SYNE2: variants seen among roughly 807,000 people sequenced by gnomAD.
The protein encoded by SYNE2 is spectrin repeat containing nuclear envelope protein 2.
Under a neutral mutation model 856.3 loss-of-function variants are expected in SYNE2, and 431 were observed. The observed-to-expected ratio is 0.50, with a 90% CI of 0.47 to 0.55. The LOEUF is 0.55. Ranked by LOEUF, SYNE2 falls within the 20% of genes least tolerant of loss-of-function variation. The pLI is 0.00. For synonymous variants in SYNE2, 2,923 were observed against 2,872.3 expected (o/e 1.02, Z -0.56); for missense variants, 8,129 against 8,023.2 (o/e 1.01, Z -0.50).
chr14:64,225,540 CCA>C lies in SYNE2; in HGVS notation c.*17_*18del, dbSNP rs535761756. The C allele has an allele frequency of 1.4e-5, 22 of 1,612,652 alleles. No individual in the cohort carries two copies. In the South Asian group the frequency reaches 2.1e-4, roughly 15 times the overall value. The stretch of plus-strand genomic sequence containing the variant: ...CCCCCCACATAGAGGGCATAGCTGG[CCA>C]CAGTGCTACACCACCTGCCTGATTG... On this transcript the variant is annotated 3_prime_UTR_variant, in exon 116 of 116. Transcript: ENST00000555002.
Position 63,976,549 on chromosome 14 carries a change from T to G in SYNE2, c.1129-14T>G. 6.3e-7 allele frequency: 1 copy of G among 1,593,282 alleles called. No individual in the cohort carries two copies. The highest frequency in any genetic ancestry group is 8.5e-7 in the Non-Finnish European group (1 of 1,172,638). ...TACTGAAGAATATGTTCTTTTTTTTTTTTTTTTTTTCAGATTAATGCATGG... is the reference window on the plus strand; with the variant it reads ...TACTGAAGAATATGTTCTTTTTTTTGTTTTTTTTTTCAGATTAATGCATGG... On this transcript the variant is annotated splice_polypyrimidine_tract_variant and intron_variant, in intron 11 of 115. Coordinates refer to ENST00000555002, the MANE Select transcript of SYNE2 (RefSeq NM_182914.3).
chr14:63,915,845 C>A lies in SYNE2; in HGVS notation c.79+6618C>A, dbSNP rs1227700777. 5.3e-5 allele frequency among the ~76,000 whole-genome samples: 8 copies of A among 152,048 alleles called. No homozygotes were observed. The East Asian group carries it at 1.5e-3, about 29-fold the overall frequency. On this transcript the variant is annotated intron_variant, in intron 2 of 115. Coordinates refer to ENST00000555002, the MANE Select transcript of SYNE2 (RefSeq NM_182914.3). ...AATTTATTTATTATATACTGAGTAT[C>A]CATCTGAAGGGAGGCTTTCAGTTTT...
chr14:63,933,397 A>G (rs1383680842), intron 2 of SYNE2, among the ~76,000 whole-genome samples: 1 of 152,074 alleles, frequency 6.6e-6, no homozygotes, highest in African/African-American at 2.4e-5. Flanking sequence ...AATTAGCTTA[A>G]CTCACTTTGC....
intron 1 of SYNE2, among the ~76,000 whole-genome samples, chr14:63,846,994 T>A (rs1000611205): frequency 2.0e-5 from 3 of 149,700 alleles, no homozygotes; most frequent in Non-Finnish European, 4.5e-5. Flanking sequence ...TATTTAAAAT[T>A]AAAAAAAAAT....
At chr14:64,007,400 T>G (rs375753945) in intron 31 of SYNE2, among the ~76,000 whole-genome samples, 178 bp downstream of exon 31, 30 of 152,332 alleles carry the variant, frequency 2.0e-4, no homozygotes, top group African/African-American at 7.2e-4. Flanking sequence ...TTGTAGATTA[T>G]AGCCAGAATG....
intron 57 of SYNE2, chr14:64,087,326 C>G (rs2097571154): frequency 2.1e-6 from 1 of 468,414 alleles, no homozygotes; most frequent in African/African-American, 2.0e-5. Context: ...GGTGGCTGAG[C>G]TATTTTGACA....
chr14:63,995,730 C>CATCTATCTATCT (rs373410347), intron 23 of SYNE2, among the ~76,000 whole-genome samples: 9,764 of 113,400 alleles, frequency 0.086, 386 homozygotes, highest in African/African-American at 0.16. Context: ...TATATCTATC[C>CATCTATCTATCT]ATCTATCTAT....
intron 1 of SYNE2, among the ~76,000 whole-genome samples, chr14:63,865,405 G>A (rs1283439142): frequency 3.3e-5 from 5 of 150,232 alleles, no homozygotes; most frequent in African/African-American, 1.2e-4. Context: ...GGCTAATTTT[G>A]TAAAGCATTT....
intron 1 of SYNE2, among the ~76,000 whole-genome samples, chr14:63,878,688 A>G (rs911228810): frequency 6.6e-6 from 1 of 152,056 alleles, no homozygotes; most frequent in African/African-American, 2.4e-5. Flanking sequence ...GATTACAGGC[A>G]TCTGCCATCA....
intron 7 of SYNE2, among the ~76,000 whole-genome samples, chr14:63,951,727 T>A (rs1441321502): frequency 6.6e-6 from 1 of 152,236 alleles, no homozygotes; most frequent in African/African-American, 2.4e-5. Flanking sequence ...CTAGAGATAA[T>A]TTGTACTCCA....
chr14:64,216,331 G>A lies in SYNE2; in HGVS notation c.19486G>A (p.Asp6496Asn), dbSNP rs1298891260. 2 of 1,614,212 alleles carry A rather than the reference G, an allele frequency of 1.2e-6. No homozygotes were observed. The highest frequency in any genetic ancestry group is 1.7e-6 in the Non-Finnish European group (2 of 1,180,044). The change falls in exon 108 of 116, where the codon GAC (aspartate) becomes AAC (asparagine). Residue 6496 changes from aspartate (D) to asparagine (N), a missense_variant. Coordinates refer to ENST00000555002, the MANE Select transcript of SYNE2 (RefSeq NM_182914.3). ...PEHHYKQMEG[D>N]RNVPPVPPAS... ...GCATCACTACAAGCAAATGGAAGGT[G>A]ACAGGAATGTTCCACCTGTTCCCCC...
At chr14:64,082,361 A>G (rs1299940675) in intron 57 of SYNE2, among the ~76,000 whole-genome samples, 1 of 151,078 alleles carries the variant, frequency 6.6e-6, no homozygotes, top group African/African-American at 2.5e-5. Flanking sequence ...TCCACCGGTA[A>G]GTATAATACT....
At chr14:64,175,770 CTG>C (rs1252108492) in intron 95 of SYNE2, among the ~76,000 whole-genome samples, 2 of 152,156 alleles carry the variant, frequency 1.3e-5, no homozygotes, top group African/African-American at 2.4e-5. Flanking sequence ...TCTCTCTAGT[CTG>C]TCGTGTGTGC....
At chr14:64,191,965 G>A (rs1428525892) in intron 99 of SYNE2, among the ~76,000 whole-genome samples, 1 of 152,238 alleles carries the variant, frequency 6.6e-6, no homozygotes, top group Non-Finnish European at 1.5e-5. Flanking sequence ...CGCTGGTGCT[G>A]TCTGCTGTGA....
chr14:63,990,537 G>A lies in SYNE2; in HGVS notation c.2440G>A (p.Ala814Thr), dbSNP rs2096658842. Residue 814 changes from alanine (A) to threonine (T), a missense_variant, in exon 20 of 116, where the codon GCA becomes ACA. Ala to Thr is a moderately conservative substitution (Grantham distance 58). Around this residue, in one of 3 missense-constraint regions of SYNE2, gnomAD observed 2,422 missense variants for 2,357.4 expected, o/e 1.03. Coordinates refer to ENST00000555002, the MANE Select transcript of SYNE2 (RefSeq NM_182914.3). ...FQHVLTTGLQ[A>T]KIQEAKEKVQ... ...ACATGTTCTCACAACTGGGCTTCAG[G>A]CAAAGATTCAAGAAGCTAAAGAGAA... The A allele has an allele frequency of 3.7e-6, 6 of 1,613,918 alleles. No homozygotes were observed. In the East Asian group the frequency reaches 1.3e-4, roughly 36 times the overall value.
intron 96 of SYNE2, among the ~76,000 whole-genome samples, chr14:64,185,204 G>A (rs1014050241): frequency 6.6e-6 from 1 of 152,228 alleles, no homozygotes. Context: ...CGAGGCTGCA[G>A]TAAGCCATGA....
At chr14:64,058,430 CTT>C (rs2097290460) in intron 49 of SYNE2, among the ~76,000 whole-genome samples, 1 of 152,116 alleles carries the variant, frequency 6.6e-6, no homozygotes, top group African/African-American at 2.4e-5. Context: ...TGAGTAAACT[CTT>C]TGAGTAAACT....
intron 1 of SYNE2, among the ~76,000 whole-genome samples, chr14:63,821,076 A>C (rs1485267550): frequency 1.3e-5 from 2 of 152,114 alleles, no homozygotes; most frequent in East Asian, 3.8e-4. Context: ...GGATATTTTC[A>C]TTACTTGATT....
intron 96 of SYNE2, among the ~76,000 whole-genome samples, chr14:64,183,743 G>A (rs1344662411): frequency 6.6e-6 from 1 of 152,090 alleles, no homozygotes; most frequent in Non-Finnish European, 1.5e-5. Context: ...GCGAAACTCC[G>A]TCTCCACCAA....
Sources: allele counts gnomAD v4.1 joint callset (sites outside exome capture counted in the v4.1 genomes callset), GRCh38; gene constraint gnomAD v4.1.1; regional missense constraint gnomAD v4.1.1; transcripts MANE v1.5; gene names NCBI Gene and HGNC (gene_info 2026-07-23, HGNC 2026-07-21).